ABHD18: variants seen among roughly 807,000 people sequenced by gnomAD.
ABHD18 encodes the protein cardiolipin-specific deacylase, mitochondrial.
A neutral mutation model predicts 65.9 loss-of-function variants in ABHD18; 55 were observed. That is an observed-to-expected ratio of 0.84 (90% CI 0.67 to 1.05). ABHD18 has a LOEUF of 1.05. Among genes scored for constraint, ABHD18 ranks in the 50% least tolerant of loss-of-function variants. The probability of loss-of-function intolerance (pLI) is 0.00; values close to 1 mark genes in which losing one functional copy is unlikely to be tolerated. For missense variants in ABHD18, 533 were observed against 558.5 expected (o/e 0.95, Z 0.46); for synonymous variants, 181 against 180.2 (o/e 1.00, Z -0.04).
chr4:128,027,202 A>G (rs765837449), intron 10 of ABHD18, among the ~76,000 whole-genome samples: 2 of 152,194 alleles, frequency 1.3e-5, no homozygotes, highest in Non-Finnish European at 2.9e-5. Context: ...AGATTATACC[A>G]TATAGCTTGG....
intron 12 of ABHD18, among the ~76,000 whole-genome samples, chr4:128,032,580 G>A (rs1758362759): frequency 6.6e-6 from 1 of 152,078 alleles, no homozygotes; most frequent in South Asian, 2.1e-4. Flanking sequence ...CAGCTACTCA[G>A]GAGGCTGAGG....
chr4:128,013,822 TATGTGGTC>T (rs1397644058), intron 7 of ABHD18, among the ~76,000 whole-genome samples: 1 of 152,150 alleles, frequency 6.6e-6, no homozygotes, highest in African/African-American at 2.4e-5. Context: ...TCCCATGTTC[TATGTGGTC>T]ATAGCATGAA....
intron 11 of ABHD18, among the ~76,000 whole-genome samples, chr4:128,030,231 C>A (rs1224039905): frequency 6.6e-6 from 1 of 152,086 alleles, no homozygotes; most frequent in African/African-American, 2.4e-5. Context: ...CATTGCATGC[C>A]CGTATCAAAA....
Position 128,017,483 on chromosome 4 carries a change from A to G in ABHD18, c.591A>G (p.Gly197=), listed in dbSNP as rs1379915880. The G allele has an allele frequency of 6.2e-7, 1 of 1,613,128 alleles. No homozygotes were observed. Among genetic ancestry groups the G allele is most frequent in the East Asian group, 2.2e-5 (1 of 44,866 alleles). Residue 197 remains glycine, a synonymous_variant, in exon 8 of 13, where the codon GGA becomes GGG. Transcript: ENST00000645843. ...GTTACGGCCCTTTAGGAATGACTGG[A>G]ATATCCATGGGAGGACACGTAAGCC... is the stretch of plus-strand genomic sequence containing the variant. ...REGYGPLGMT[G]ISMGGHMASL...
At chr4:128,013,088 A>T (rs12512739) in intron 7 of ABHD18, among the ~76,000 whole-genome samples, 2 of 148,760 alleles carry the variant, frequency 1.3e-5, no homozygotes, top group African/African-American at 5.0e-5. Context: ...AAAAAAAAAG[A>T]CAAGGACCAG....
rs112954171 is a variant in ABHD18 at position 128,005,051 on chromosome 4, A to C, written c.279-3869A>C. On this transcript the variant is annotated intron_variant, in intron 4 of 12. Coordinates refer to ENST00000645843, the MANE Select transcript of ABHD18 (RefSeq NM_001358451.3). ...CAAGACCAGCCTGGCCAACATGGCG[A>C]AACCTGTCGCTACTAAAAATACAAA... Among the ~76,000 whole-genome samples the C allele has an allele frequency of 6.2e-3, 938 of 152,342 alleles. 19 individuals carry two copies. The highest frequency in any genetic ancestry group is 0.021 in the African/African-American group (883 of 41,570).
chr4:128,007,627 G>A (rs559530230), intron 4 of ABHD18, among the ~76,000 whole-genome samples: 44 of 151,724 alleles, frequency 2.9e-4, no homozygotes, highest in Middle Eastern at 3.4e-3. Flanking sequence ...TGTAATCCCA[G>A]CTACTTGGGA....
intron 1 of ABHD18, among the ~76,000 whole-genome samples, chr4:127,968,449 A>G (rs1477877007): frequency 6.6e-6 from 1 of 152,190 alleles, no homozygotes; most frequent in East Asian, 1.9e-4. Context: ...GTACATGGTG[A>G]TATTTTTTAA....
chr4:127,967,142 C>G (rs1366238799), intron 1 of ABHD18, among the ~76,000 whole-genome samples: 1 of 151,406 alleles, frequency 6.6e-6, no homozygotes, highest in Admixed American at 6.6e-5. Flanking sequence ...ATATAGTGGA[C>G]AAGGGGATTT....
intron 1 of ABHD18, among the ~76,000 whole-genome samples, chr4:127,972,442 C>CA (rs1172891210): frequency 3.3e-5 from 5 of 150,284 alleles, no homozygotes; most frequent in African/African-American, 7.3e-5. Context: ...TTTAGCATAA[C>CA]AGACACTCAT....
intron 6 of ABHD18, 106 bp downstream of exon 6, chr4:128,009,297 T>C (rs1362447252): frequency 3.3e-6 from 2 of 608,646 alleles, no homozygotes; most frequent in Non-Finnish European, 5.1e-6. Flanking sequence ...CAGTTAAATT[T>C]AGTCATCAGT....
rs1340295666 is a variant in ABHD18 at position 128,039,158 on chromosome 4, T to TGC, written c.*3345_*3346insGC. On this transcript the variant is annotated 3_prime_UTR_variant, in exon 13 of 13. Coordinates refer to ENST00000645843, the MANE Select transcript of ABHD18 (RefSeq NM_001358451.3). ...ACACACATATGCATATATATATATA[T>TGC]ATATATATATATATATATATATATA... The TGC allele has an allele frequency of 0.023, 2,398 of 104,356 alleles. 98 individuals carry two copies. The highest frequency in any genetic ancestry group is 0.2 in the East Asian group (686 of 3,496). The allele number at this position is 104,356 out of a possible 1,614,324, so 6.5% of individuals were successfully genotyped here.
At chr4:128,025,200 ATCTTTT>A (rs908980550) in intron 10 of ABHD18, among the ~76,000 whole-genome samples, 16 of 151,962 alleles carry the variant, frequency 1.1e-4, no homozygotes, top group Admixed American at 2.0e-4. Flanking sequence ...AACTTTTTTT[ATCTTTT>A]TCTTTTTATT....
At chr4:127,971,594 G>C (rs1245791556) in intron 1 of ABHD18, among the ~76,000 whole-genome samples, 1 of 135,660 alleles carries the variant, frequency 7.4e-6, no homozygotes, top group Non-Finnish European at 1.5e-5. Flanking sequence ...TGGTTCAAAT[G>C]ATTCTCCTGC....
chr4:127,992,615 T>C (rs1751105523), intron 4 of ABHD18, among the ~76,000 whole-genome samples: 1 of 152,184 alleles, frequency 6.6e-6, no homozygotes, highest in Admixed American at 6.6e-5. Flanking sequence ...CTTGGCTCAC[T>C]GTACCCTCAA....
chr4:128,033,193 G>T (rs1407582136), intron 12 of ABHD18, among the ~76,000 whole-genome samples: 1 of 152,040 alleles, frequency 6.6e-6, no homozygotes, highest in African/African-American at 2.4e-5. Flanking sequence ...GTCAGAGCTT[G>T]CAGTGAGCCG....
chr4:127,989,297 A>T (rs1185595293), intron 3 of ABHD18, among the ~76,000 whole-genome samples: 1 of 152,200 alleles, frequency 6.6e-6, no homozygotes, highest in Non-Finnish European at 1.5e-5. Flanking sequence ...GGGAAGATAA[A>T]GTGGAGATGA....
At chr4:127,973,920 G>T (rs909864797) in intron 1 of ABHD18, among the ~76,000 whole-genome samples, 1 of 150,822 alleles carries the variant, frequency 6.6e-6, no homozygotes, top group African/African-American at 2.4e-5. Flanking sequence ...GTGGAAGTGA[G>T]TTCTTGTCTC....
chr4:127,997,853 T>TCAACTTTTTCCTCTCCTCCTC (rs1431813631), intron 4 of ABHD18, among the ~76,000 whole-genome samples: 2 of 151,972 alleles, frequency 1.3e-5, no homozygotes, highest in African/African-American at 4.8e-5. Flanking sequence ...TTCTCCTCCT[T>TCAACTTTTTCCTCTCCTCCTC]CACCTTTTTC....
Sources: gnomAD v4.1 joint callset for allele counts (sites outside exome capture counted in the v4.1 genomes callset) on GRCh38, gnomAD v4.1.1 for gene constraint, MANE v1.5 for transcripts, NCBI Gene and HGNC (gene_info 2026-07-23, HGNC 2026-07-21) for gene names.